The following GINS1 variants were observed in gnomAD, a reference collection of about 807,000 sequenced individuals.
GINS1 encodes the protein GINS complex subunit 1.
Under a neutral mutation model 34.9 loss-of-function variants are expected in GINS1, and 26 were observed. That is an observed-to-expected ratio of 0.74 (90% CI 0.55 to 1.03). GINS1 has a LOEUF of 1.03. Among genes scored for constraint, GINS1 ranks in the 50% least tolerant of loss-of-function variants. The pLI is 0.00. For missense variants in GINS1, 235 were observed against 237.9 expected, an observed-to-expected ratio of 0.99 and a Z score of 0.08; for synonymous variants, 97 against 84.4, an observed-to-expected ratio of 1.15 and a Z score of -0.82.
rs2090520362 is a variant in GINS1 at position 25,447,696 on chromosome 20, ACTC to A, written c.*1708_*1710del. The A allele has an allele frequency of 6.6e-6, 1 of 151,832 alleles. No individual in the cohort carries two copies. The highest frequency in any genetic ancestry group is 1.5e-5 in the Non-Finnish European group (1 of 67,984). 9.4% of individuals were successfully genotyped at this position (151,832 alleles called of 1,614,324 possible). A position where few individuals can be genotyped will look rare whatever the true frequency, so the allele number is the denominator to read the frequency against. ...CACCGTGTTGGCCAGGCTGTGTTGA[ACTC>A]CTGAGCTAAAGCAATACACTTGCCT... On this transcript the variant is annotated 3_prime_UTR_variant, in exon 7 of 7. Transcript: ENST00000262460.
chr20:25,426,559 C>G (rs1202516178), intron 5 of GINS1, among the ~76,000 whole-genome samples: 1 of 151,322 alleles, frequency 6.6e-6, no homozygotes, highest in Non-Finnish European at 1.5e-5. Flanking sequence ...GAGTTTCACT[C>G]TTGTTGCCCA....
intron 5 of GINS1, among the ~76,000 whole-genome samples, chr20:25,437,906 G>T (rs2090462352): frequency 6.6e-6 from 1 of 151,982 alleles, no homozygotes. Context: ...ATCACCTGAG[G>T]TCAGGAGTTT....
Position 25,418,215 on chromosome 20 carries a change from GT to G in GINS1, c.330+23del. On this transcript the variant is annotated intron_variant, in intron 4 of 6. Coordinates refer to ENST00000262460, the MANE Select transcript of GINS1 (RefSeq NM_021067.5). ...GAAGAAGTGAGTTAGCATTGTTCAA[GT>G]TTATAAATTTTGAAAATGCTAAAGT... 1 of 1,387,842 alleles carries G rather than the reference GT, an allele frequency of 7.2e-7. No homozygotes were observed. Among genetic ancestry groups the G allele is most frequent in the Non-Finnish European group, 1.0e-6 (1 of 972,146 alleles). The allele number at this position is 1,387,842 out of a possible 1,614,324, so 86.0% of individuals were successfully genotyped here.
rs778337361 is a variant in GINS1 at position 25,418,170 on chromosome 20, T to C, written c.305T>C (p.Leu102Ser). The change falls in exon 4 of 7, where the codon TTA becomes TCA. Residue 102 changes from leucine to serine, a missense_variant. Physicochemically the swap from Leu to Ser is moderately radical, Grantham distance 145. Transcript: ENST00000262460. ...TATGGTAGCGTCTTGCCAAATGCAT[T>C]ACGATTTCACATGGCTGCTGAAGAA... ...WEYGSVLPNA[L>S]RFHMAAEEME... The C allele has an allele frequency of 1.3e-6, 2 of 1,593,806 alleles. No homozygotes were observed. Among genetic ancestry groups the C allele is most frequent in the South Asian group, 2.2e-5 (2 of 90,750 alleles).
chr20:25,412,096 A>G (rs1288508372), intron 1 of GINS1, among the ~76,000 whole-genome samples: 1 of 152,066 alleles, frequency 6.6e-6, no homozygotes, highest in Non-Finnish European at 1.5e-5. Flanking sequence ...CCACAGAGTG[A>G]GACTTCATCT....
intron 1 of GINS1, 78 bp downstream of exon 1, chr20:25,407,973 G>A: frequency 9.5e-7 from 1 of 1,049,244 alleles, no homozygotes; most frequent in Non-Finnish European, 1.5e-6. Context: ...CCCCGTCAGG[G>A]TTCACTTTCG....
At chr20:25,416,396 G>A (rs1383212649) in intron 2 of GINS1, among the ~76,000 whole-genome samples, 1 of 152,160 alleles carries the variant, frequency 6.6e-6, no homozygotes, top group African/African-American at 2.4e-5. Flanking sequence ...GACATGACAG[G>A]ATGGGACATG....
intron 5 of GINS1, among the ~76,000 whole-genome samples, chr20:25,426,817 G>A (rs2090393988): frequency 2.0e-5 from 3 of 152,104 alleles, no homozygotes; most frequent in South Asian, 4.1e-4. Flanking sequence ...GAGCCACTGC[G>A]CCTGGCCCAG....
chr20:25,432,967 A>T (rs1425130046), intron 5 of GINS1, among the ~76,000 whole-genome samples: 2 of 151,204 alleles, frequency 1.3e-5, no homozygotes, highest in African/African-American at 2.4e-5. Flanking sequence ...ATTATAGCTA[A>T]TATTAGTACA....
At chr20:25,419,810 G>C in intron 4 of GINS1, 1 of 191,888 alleles carries the variant, frequency 5.2e-6, no homozygotes, top group South Asian at 6.5e-5. Flanking sequence ...TTACAGGTGC[G>C]TGCCTCCATG....
intron 5 of GINS1, among the ~76,000 whole-genome samples, chr20:25,432,478 T>C (rs570836156): frequency 1.3e-5 from 2 of 151,812 alleles, no homozygotes; most frequent in Non-Finnish European, 2.9e-5. Context: ...AATTTTCTTC[T>C]TTTTTTTAGA....
intron 2 of GINS1, among the ~76,000 whole-genome samples, chr20:25,414,547 A>G (rs1197444758): frequency 6.6e-6 from 1 of 152,132 alleles, no homozygotes; most frequent in Non-Finnish European, 1.5e-5. Context: ...TAAAAAAATA[A>G]AAATTAGCTG....
At chr20:25,417,062 T>C in intron 2 of GINS1, 42 bp from the exon 3 acceptor site, 1 of 907,166 alleles carries the variant, frequency 1.1e-6, no homozygotes, top group Admixed American at 2.0e-5. Context: ...TTACTTATCC[T>C]GAAAAGTACA....
At chr20:25,430,290 T>C (rs1405497471) in intron 5 of GINS1, among the ~76,000 whole-genome samples, 1 of 152,266 alleles carries the variant, frequency 6.6e-6, no homozygotes, top group African/African-American at 2.4e-5. Context: ...GATGTATAGT[T>C]ATCTTCTGTT....
intron 5 of GINS1, among the ~76,000 whole-genome samples, chr20:25,436,512 T>C (rs1286515578): frequency 1.1e-4 from 17 of 152,294 alleles, no homozygotes; most frequent in Admixed American, 1.1e-3. Context: ...TTTATTTTTG[T>C]TCTTCAGACT....
intron 4 of GINS1, among the ~76,000 whole-genome samples, chr20:25,421,886 A>C (rs2090357627): frequency 6.6e-6 from 1 of 152,174 alleles, no homozygotes; most frequent in Admixed American, 6.5e-5. Context: ...AGAAAAGACC[A>C]CAGTGGAAAC....
rs770084857 is a variant in GINS1, at chr20:25,418,122, G to A, written c.257G>A (p.Arg86Gln). ...TGTCCTAGGTATGACCGCTTGCTTC[G>A]GATCAGAGCACTCAGATGGGAATAT... is the stretch of plus-strand genomic sequence containing the variant. ...TVAYLYDRLL[R>Q]IRALRWEYGS... Residue 86 changes from arginine (R) to glutamine (Q), a missense_variant, in exon 4 of 7, where the codon CGG (arginine) becomes CAG (glutamine). Coordinates refer to ENST00000262460, the MANE Select transcript of GINS1 (RefSeq NM_021067.5). 18 of 1,598,324 alleles carry A rather than the reference G, an allele frequency of 1.1e-5. No homozygotes were observed. The highest frequency in any genetic ancestry group is 1.4e-5 in the Non-Finnish European group (16 of 1,165,552).
intron 4 of GINS1, among the ~76,000 whole-genome samples, chr20:25,418,518 T>C (rs1254254377): frequency 6.6e-6 from 1 of 152,232 alleles, no homozygotes; most frequent in East Asian, 1.9e-4. Context: ...ACTTTCCTAA[T>C]CAAAATTCAT....
Position 25,446,014 on chromosome 20 carries a change from G to C in GINS1, c.*23G>C. On this transcript the variant is annotated 3_prime_UTR_variant, in exon 7 of 7. Coordinates refer to ENST00000262460, the MANE Select transcript of GINS1 (RefSeq NM_021067.5). ...TGACCATGCGCCGAGGCACTTCCAGGCTTCACTCAACTCATGGACTCCTCT... is the reference window on the plus strand; with the variant it reads ...TGACCATGCGCCGAGGCACTTCCAGCCTTCACTCAACTCATGGACTCCTCT... 6.7e-7 allele frequency: 1 copy of C among 1,484,582 alleles called. No homozygotes were observed. Among genetic ancestry groups the C allele is most frequent in the East Asian group, 2.3e-5 (1 of 44,228 alleles). The allele number at this position is 1,484,582 out of a possible 1,614,324, so 92.0% of individuals were successfully genotyped here. A position where few individuals can be genotyped will look rare whatever the true frequency, so the allele number is the denominator to read the frequency against.
Sources: gnomAD v4.1 joint callset for allele counts (sites outside exome capture counted in the v4.1 genomes callset) on GRCh38, gnomAD v4.1.1 for gene constraint, MANE v1.5 for transcripts, NCBI Gene and HGNC (gene_info 2026-07-23, HGNC 2026-07-21) for gene names.